The following CUX1 variants were observed in gnomAD, a reference collection of about 807,000 sequenced individuals.
CUX1 encodes cut like homeobox 1.
A neutral mutation model predicts 158.8 loss-of-function variants in CUX1; 31 were observed. The observed-to-expected ratio is 0.20, with a 90% CI of 0.15 to 0.26. The LOEUF (loss-of-function observed/expected upper bound fraction) is 0.26, where lower values mean the gene tolerates loss of function less well. Among genes scored for constraint, CUX1 ranks in the 10% least tolerant of loss-of-function variants. The pLI is 1.00. For missense variants in CUX1, 1,589 were observed against 2,014.6 expected, an observed-to-expected ratio of 0.79 and a Z score of 4.04; for synonymous variants, 879 against 862.1, an observed-to-expected ratio of 1.02 and a Z score of -0.34.
At chr7:101,917,471 C>A (rs560387870) in intron 2 of CUX1, among the ~76,000 whole-genome samples, 44 of 152,238 alleles carry the variant, frequency 2.9e-4, no homozygotes, top group Middle Eastern at 3.4e-3. Flanking sequence ...GTGGGTACTC[C>A]ATGTTTCACG....
chr7:102,123,481 T>C (rs941871501), intron 8 of CUX1, among the ~76,000 whole-genome samples: 26 of 150,736 alleles, frequency 1.7e-4, no homozygotes, highest in Non-Finnish European at 2.7e-4. Flanking sequence ...TGGTGGCGGG[T>C]GCCTATAGTC....
chr7:102,190,688 C>T (rs527319321), intron 12 of CUX1, among the ~76,000 whole-genome samples: 19 of 152,312 alleles, frequency 1.2e-4, no homozygotes, highest in Admixed American at 1.0e-3. Flanking sequence ...GTGCTTCTCG[C>T]GGCTGGAGCT....
At chr7:101,882,705 A>G (rs369573092) in intron 1 of CUX1, among the ~76,000 whole-genome samples, 1 of 152,074 alleles carries the variant, frequency 6.6e-6, no homozygotes, top group African/African-American at 2.4e-5. Flanking sequence ...GTTGATGTAC[A>G]TGTTTCCAGA....
At chr7:102,216,851 CCTCACACACACATTCT>C (rs1220315480) in intron 20 of CUX1, among the ~76,000 whole-genome samples, 6 of 144,558 alleles carry the variant, frequency 4.2e-5, no homozygotes, top group African/African-American at 1.5e-4. Flanking sequence ...ATTCTCTCTC[CCTCACACACACATTCT>C]CTCACACACA....
intron 1 of CUX1, among the ~76,000 whole-genome samples, chr7:101,836,856 G>A (rs1214241673): frequency 9.9e-5 from 15 of 152,102 alleles, no homozygotes; most frequent in Admixed American, 9.8e-4. Context: ...TGGGTGCGGT[G>A]GGGGGCAGGG....
chr7:102,001,210 G>T (rs1585231822), intron 2 of CUX1, among the ~76,000 whole-genome samples: 1 of 152,128 alleles, frequency 6.6e-6, no homozygotes, highest in Non-Finnish European at 1.5e-5. Context: ...GGGCTGGAGG[G>T]CCTGCCAGGA....
At chr7:102,004,484 A>C (rs958998816) in intron 2 of CUX1, among the ~76,000 whole-genome samples, 8 of 152,182 alleles carry the variant, frequency 5.3e-5, no homozygotes, top group African/African-American at 1.9e-4. Context: ...AACATAAAGA[A>C]AACAAATTTG....
chr7:101,966,331 A>G (rs1811207437), intron 2 of CUX1, among the ~76,000 whole-genome samples: 1 of 144,448 alleles, frequency 6.9e-6, no homozygotes, highest in Non-Finnish European at 1.5e-5. Flanking sequence ...AAGGATCCTT[A>G]TCTTTTAGAG....
intron 11 of CUX1, among the ~76,000 whole-genome samples, chr7:102,182,342 T>G (rs1256200547): frequency 6.6e-6 from 1 of 152,260 alleles, no homozygotes; most frequent in Non-Finnish European, 1.5e-5. Context: ...CCAATGATAC[T>G]TTCTGTAGTT....
chr7:102,013,590 A>G (rs1408060765), intron 2 of CUX1, among the ~76,000 whole-genome samples: 1 of 152,196 alleles, frequency 6.6e-6, no homozygotes, highest in Non-Finnish European at 1.5e-5. Flanking sequence ...AAGCATCAAC[A>G]ATTTTCCATA....
chr7:102,211,220 T>G (rs1161524004), intron 20 of CUX1, among the ~76,000 whole-genome samples: 1 of 151,464 alleles, frequency 6.6e-6, no homozygotes, highest in Non-Finnish European at 1.5e-5. Context: ...CCGAGGTGGG[T>G]GGATCACTTG....
intron 3 of CUX1, among the ~76,000 whole-genome samples, chr7:102,032,629 A>C (rs1178825739): frequency 6.6e-6 from 1 of 152,058 alleles, no homozygotes; most frequent in African/African-American, 2.4e-5. Context: ...AGCACTCTAG[A>C]GCCACTGTAC....
chr7:102,094,568 G>A (rs1554483363), intron 4 of CUX1, among the ~76,000 whole-genome samples: 1 of 152,210 alleles, frequency 6.6e-6, no homozygotes, highest in Non-Finnish European at 1.5e-5. Flanking sequence ...ATACAGTGGG[G>A]TCCTGGCCTT....
upstream of CUX1, among the ~76,000 whole-genome samples, chr7:101,816,425 G>A (rs1292131199): frequency 7.2e-6 from 1 of 139,256 alleles, no homozygotes; most frequent in African/African-American, 2.6e-5. Flanking sequence ...CGCCGCCAGC[G>A]CCGCCGCCGC....
chr7:102,138,668 T>C (rs1834143833), intron 8 of CUX1, among the ~76,000 whole-genome samples: 1 of 152,234 alleles, frequency 6.6e-6, no homozygotes, highest in Non-Finnish European at 1.5e-5. Flanking sequence ...AGACCCGATC[T>C]TTTATAAGAT....
intron 1 of CUX1, among the ~76,000 whole-genome samples, chr7:101,902,691 A>G (rs1033826136): frequency 2.0e-5 from 3 of 152,160 alleles, no homozygotes; most frequent in African/African-American, 7.2e-5. Flanking sequence ...TGTCTTTGAC[A>G]TCCGTCTTCT....
chr7:102,062,783 G>A (rs896786975), intron 3 of CUX1, among the ~76,000 whole-genome samples: 6 of 151,970 alleles, frequency 3.9e-5, no homozygotes, highest in Non-Finnish European at 7.4e-5. Context: ...TTATAGGCGT[G>A]AGCCACTGCA....
intron 20 of CUX1, among the ~76,000 whole-genome samples, chr7:102,217,353 C>T (rs934907913): frequency 1.4e-4 from 22 of 152,272 alleles, no homozygotes; most frequent in South Asian, 4.1e-4. Flanking sequence ...TGACTTTCCA[C>T]TCCGAATCCC....
At chr7:101,903,638 C>A (rs1025577709) in intron 1 of CUX1, among the ~76,000 whole-genome samples, 3 of 152,186 alleles carry the variant, frequency 2.0e-5, no homozygotes, top group Admixed American at 6.5e-5. Flanking sequence ...TCCCCTCTCC[C>A]TGCCACAGAG....
Sources: gnomAD v4.1 joint callset for allele counts (sites outside exome capture counted in the v4.1 genomes callset) on GRCh38, gnomAD v4.1.1 for gene constraint, MANE v1.5 for transcripts, NCBI Gene and HGNC (gene_info 2026-07-23, HGNC 2026-07-21) for gene names.